TEAD4: variants seen among roughly 807,000 people sequenced by gnomAD.
TEAD4 encodes TEA domain transcription factor 4.
A neutral mutation model predicts 52.4 loss-of-function variants in TEAD4; 36 were observed. The observed-to-expected ratio is 0.69, with a 90% CI of 0.53 to 0.91. TEAD4 has a LOEUF of 0.91. Among genes scored for constraint, TEAD4 ranks in the 40% least tolerant of loss-of-function variants. The pLI is 0.00. For synonymous variants in TEAD4, 220 were observed against 231.0 expected (o/e 0.95, Z 0.43); for missense variants, 508 against 583.9 (o/e 0.87, Z 1.34).
At chr12:3,016,802 C>G (rs549349839) in intron 5 of TEAD4, among the ~76,000 whole-genome samples, 28 of 152,230 alleles carry the variant, frequency 1.8e-4, no homozygotes, top group African/African-American at 6.7e-4. Context: ...CTTATTTGTT[C>G]CGGGCCTATT....
intron 2 of TEAD4, among the ~76,000 whole-genome samples, chr12:2,967,975 A>G (rs2153952457): frequency 6.6e-6 from 1 of 151,860 alleles, no homozygotes; most frequent in Middle Eastern, 3.4e-3. Flanking sequence ...TGGAAGCCAC[A>G]TCTGGTTTTG....
chr12:2,967,525 T>G (rs2098221436), intron 2 of TEAD4, among the ~76,000 whole-genome samples: 1 of 152,198 alleles, frequency 6.6e-6, no homozygotes, highest in African/African-American at 2.4e-5. Flanking sequence ...CAAGAAGAAA[T>G]GTAATAGGTC....
rs776992627 is a variant in TEAD4, at chr12:3,022,014, C to G, written c.894C>G (p.Phe298Leu). 6.2e-7 allele frequency: 1 copy of G among 1,613,864 alleles called. No homozygotes were observed. The highest frequency in any genetic ancestry group is 1.3e-5 in the African/African-American group (1 of 74,944). ...CCAATGCCTTTTTTCTTGTGAAGTT[C>G]TGGGTAAGCCTGTGATAACCCCTTC... Residue 298 changes from phenylalanine to leucine, a missense_variant, in exon 10 of 13, where the codon TTC (phenylalanine) becomes TTG (leucine). By Grantham distance (22) the Phe-to-Leu change is conservative. Coordinates refer to ENST00000359864, the MANE Select transcript of TEAD4 (RefSeq NM_003213.4).
At chr12:2,983,352 A>G (rs541535233) in intron 2 of TEAD4, among the ~76,000 whole-genome samples, 3 of 152,300 alleles carry the variant, frequency 2.0e-5, no homozygotes, top group South Asian at 4.1e-4. Flanking sequence ...GGGATGGATC[A>G]GTTCCCCAGC....
chr12:3,028,956 G>C (rs1423321971), intron 10 of TEAD4, among the ~76,000 whole-genome samples: 1 of 151,942 alleles, frequency 6.6e-6, no homozygotes, highest in African/African-American at 2.4e-5. Flanking sequence ...ATAATAAATT[G>C]GGTTATTTTT....
chr12:3,031,722 T>C (rs1170399705), intron 10 of TEAD4, among the ~76,000 whole-genome samples: 1 of 142,902 alleles, frequency 7.0e-6, no homozygotes, highest in East Asian at 1.9e-4. Flanking sequence ...CAGCCAAGAC[T>C]GGATAACCTC....
intron 10 of TEAD4, among the ~76,000 whole-genome samples, chr12:3,029,233 A>ATTTTTTTTTTT (rs71057880): frequency 9.1e-6 from 1 of 109,622 alleles, no homozygotes. Flanking sequence ...CGCCTGGCCA[A>ATTTTTTTTTTT]TTTTTTTTTT....
At chr12:3,006,859 T>A (rs1050958196) in intron 3 of TEAD4, among the ~76,000 whole-genome samples, 1 of 151,112 alleles carries the variant, frequency 6.6e-6, no homozygotes, top group African/African-American at 2.4e-5. Flanking sequence ...AACCTGTCTC[T>A]ACTAAAAATA....
chr12:2,961,740 T>C (rs1366063807), intron 2 of TEAD4, among the ~76,000 whole-genome samples: 1 of 152,190 alleles, frequency 6.6e-6, no homozygotes, highest in Non-Finnish European at 1.5e-5. Flanking sequence ...GGATAGCTGT[T>C]GTATCCAGTG....
intron 2 of TEAD4, among the ~76,000 whole-genome samples, chr12:2,962,333 A>ATAT (rs1565518244): frequency 7.9e-5 from 3 of 38,048 alleles, no homozygotes; most frequent in African/African-American, 1.6e-4. Context: ...TATAAATATA[A>ATAT]ATATATATAT....
At chr12:3,034,822 G>A (rs765496118) in intron 10 of TEAD4, among the ~76,000 whole-genome samples, 14 of 152,018 alleles carry the variant, frequency 9.2e-5, no homozygotes, top group Admixed American at 3.3e-4. Context: ...GGCCAGACGC[G>A]GTGGCTCACG....
At chr12:2,968,884 C>T (rs1202071743) in intron 2 of TEAD4, among the ~76,000 whole-genome samples, 6 of 152,096 alleles carry the variant, frequency 3.9e-5, no homozygotes, top group Non-Finnish European at 8.8e-5. Flanking sequence ...TTAAACTCCT[C>T]GCCTCAAGCG....
intron 3 of TEAD4, 85 bp from the exon 4 acceptor site, chr12:3,010,919 C>G: frequency 3.4e-6 from 5 of 1,473,236 alleles, no homozygotes; most frequent in Non-Finnish European, 4.7e-6. Flanking sequence ...GGGCAGGGCT[C>G]CTCCGCAGAA....
intron 2 of TEAD4, among the ~76,000 whole-genome samples, chr12:2,963,116 G>C (rs940764607): frequency 2.0e-5 from 3 of 152,124 alleles, no homozygotes; most frequent in Admixed American, 6.5e-5. Context: ...AGGGGCCCTC[G>C]GGTCTTTAAA....
intron 10 of TEAD4, among the ~76,000 whole-genome samples, chr12:3,037,692 A>G (rs781496951): frequency 3.1e-4 from 47 of 152,244 alleles, no homozygotes; most frequent in Non-Finnish European, 5.7e-4. Flanking sequence ...TGGGGCTCCC[A>G]CCTGCTGGGT....
intron 3 of TEAD4, among the ~76,000 whole-genome samples, chr12:3,007,107 G>A (rs551419663): frequency 4.0e-4 from 61 of 152,290 alleles, no homozygotes; most frequent in African/African-American, 1.3e-3. Context: ...CTAGCCTCTC[G>A]CCGGGGGCTG....
chr12:3,026,345 C>T (rs1389555931), intron 10 of TEAD4, among the ~76,000 whole-genome samples: 2 of 152,210 alleles, frequency 1.3e-5, no homozygotes, highest in Non-Finnish European at 2.9e-5. Context: ...ACACAAACCC[C>T]AAAGAAACAG....
chr12:3,015,254 C>T (rs1026509032), intron 5 of TEAD4, among the ~76,000 whole-genome samples: 3 of 142,602 alleles, frequency 2.1e-5, no homozygotes, highest in Non-Finnish European at 4.9e-5. Context: ...GTTTGCATGG[C>T]CCCCCGTGTG....
chr12:2,962,315 A>AATATATAT lies in TEAD4; in HGVS notation c.-30+2279_-30+2286dup, dbSNP rs1200828213. Among the ~76,000 whole-genome samples, 91 of 119,052 alleles carry AATATATAT rather than the reference A, an allele frequency of 7.6e-4. 1 individual carries two copies. Among genetic ancestry groups the AATATATAT allele is most frequent in the African/African-American group, 2.8e-3 (88 of 31,212 alleles). The allele number at this position is 119,052 out of a possible 152,430, so 78.1% of individuals were successfully genotyped here. A position where few individuals can be genotyped will look rare whatever the true frequency, so the allele number is the denominator to read the frequency against. On this transcript the variant is annotated intron_variant, in intron 2 of 12. Transcript: ENST00000359864. The stretch of plus-strand genomic sequence containing the variant: ...TTATATATATAAATATAAATATATA[A>AATATATAT]ATATATATATAAATATAAATATATA...
Sources: gnomAD v4.1 joint callset for allele counts (sites outside exome capture counted in the v4.1 genomes callset) on GRCh38, gnomAD v4.1.1 for gene constraint, MANE v1.5 for transcripts, NCBI Gene and HGNC (gene_info 2026-07-23, HGNC 2026-07-21) for gene names.